The following DPY19L3 variants were observed in gnomAD, a reference collection of about 807,000 sequenced individuals.
DPY19L3 encodes protein C-mannosyl-transferase DPY19L3.
DPY19L3 carries 51 observed loss-of-function variants against 92.3 expected under a neutral mutation model. The ratio of observed to expected loss-of-function variants is 0.55; its 90% CI spans 0.44 to 0.70. DPY19L3 has a LOEUF of 0.70. DPY19L3 is among the 30% of genes least tolerant of loss of function. The pLI is 0.00. For missense variants in DPY19L3, 706 were observed against 855.9 expected, an observed-to-expected ratio of 0.82 and a Z score of 2.18; for synonymous variants, 309 against 315.2, an observed-to-expected ratio of 0.98 and a Z score of 0.21.
intron 3 of DPY19L3, among the ~76,000 whole-genome samples, chr19:32,430,972 T>C (rs1393439928): frequency 1.3e-5 from 2 of 151,832 alleles, no homozygotes; most frequent in Non-Finnish European, 2.9e-5. Context: ...TGAAAATTAG[T>C]TGGAGTTAGG....
At chr19:32,470,683 A>C (rs76955534) in intron 16 of DPY19L3, among the ~76,000 whole-genome samples, 1 of 147,910 alleles carries the variant, frequency 6.8e-6, no homozygotes, top group South Asian at 2.1e-4. Context: ...CAAGTGTCCT[A>C]TTTCCCTCGT....
chr19:32,475,728 T>C (rs1251436476), intron 16 of DPY19L3, among the ~76,000 whole-genome samples: 2 of 152,258 alleles, frequency 1.3e-5, no homozygotes, highest in Non-Finnish European at 2.9e-5. Flanking sequence ...CACGTTTTCA[T>C]TGAAACCCTC....
chr19:32,481,261 GA>G (rs534276948), intron 18 of DPY19L3: 2,865 of 147,310 alleles, frequency 0.019, 31 homozygotes, highest in Non-Finnish European at 0.032. Flanking sequence ...GCCTAAATTT[GA>G]AAAAAAAAAA....
intron 16 of DPY19L3, among the ~76,000 whole-genome samples, chr19:32,475,489 G>A (rs1970479247): frequency 6.6e-6 from 1 of 152,216 alleles, no homozygotes; most frequent in African/African-American, 2.4e-5. Flanking sequence ...ATCGTTGATT[G>A]CTGTGGAATG....
chr19:32,407,490 T>C (rs1968012951), intron 1 of DPY19L3, among the ~76,000 whole-genome samples: 1 of 152,196 alleles, frequency 6.6e-6, no homozygotes, highest in African/African-American at 2.4e-5. Flanking sequence ...CGTGGCCACT[T>C]CTGTGGGAGG....
At chr19:32,467,231 G>A (rs1295646874) in intron 15 of DPY19L3, among the ~76,000 whole-genome samples, 1 of 152,102 alleles carries the variant, frequency 6.6e-6, no homozygotes, top group Non-Finnish European at 1.5e-5. Context: ...GGAGTTTGCC[G>A]CAAAATTCTC....
In DPY19L3 at chr19:32,484,847, TA is replaced by T. The variant is rs1368055705; in HGVS notation, c.*2612del. The T allele has an allele frequency of 6.6e-6, 1 of 152,200 alleles. No homozygotes were observed. Among genetic ancestry groups the T allele is most frequent in the African/African-American group, 2.4e-5 (1 of 41,458 alleles). The allele number at this position is 152,200 out of a possible 1,614,324, so 9.4% of individuals were successfully genotyped here. On this transcript the variant is annotated 3_prime_UTR_variant, in exon 19 of 19. Transcript: ENST00000392250. ...GTAAAAATTAAGTTGAATACTTTGGTAAAAAGTGATAAAGGCTGAGTTGCCA... is the reference window on the plus strand; with the variant it reads ...GTAAAAATTAAGTTGAATACTTTGGTAAAAGTGATAAAGGCTGAGTTGCCA...
chr19:32,430,040 TA>T (rs1968906916), intron 3 of DPY19L3, among the ~76,000 whole-genome samples: 1 of 152,232 alleles, frequency 6.6e-6, no homozygotes, highest in African/African-American at 2.4e-5. Context: ...AATGAAAGTT[TA>T]AAAAGCTGTA....
chr19:32,480,700 T>A, intron 18 of DPY19L3, 143 bp downstream of exon 18: 3 of 1,182,322 alleles, frequency 2.5e-6, no homozygotes, highest in Non-Finnish European at 3.5e-6. Flanking sequence ...TCTTGCTTCC[T>A]ACAGAAGCCC....
At position 32,408,337 on chromosome 19, in the gene DPY19L3, G is replaced by A; in HGVS notation, c.84G>A (p.Leu28=). The change falls in exon 2 of 19, where the codon TTG becomes TTA. Residue 28 remains leucine (L), a synonymous_variant. Transcript: ENST00000392250. The part of the protein sequence containing the change: ...DFPAQEENVK[L]ENKLPSGCTS... Reference sequence around the variant, plus strand: ...CAGCCCAAGAAGAAAATGTGAAGTTGGAAAATAAATTGCCATCTGGTAGGT... The same window carrying A: ...CAGCCCAAGAAGAAAATGTGAAGTTAGAAAATAAATTGCCATCTGGTAGGT... The A allele has an allele frequency of 6.2e-7, 1 of 1,613,500 alleles. No individual in the cohort carries two copies. The highest frequency in any genetic ancestry group is 8.5e-7 in the Non-Finnish European group (1 of 1,179,804).
intron 12 of DPY19L3, 31 bp from the exon 13 acceptor site, chr19:32,463,335 C>G (rs1363492699): frequency 6.2e-7 from 1 of 1,611,130 alleles, no homozygotes; most frequent in South Asian, 1.1e-5. Context: ...ATGTTTCCAG[C>G]TTAAATTTTG....
chr19:32,407,331 C>G (rs897289386), intron 1 of DPY19L3, among the ~76,000 whole-genome samples: 2 of 151,474 alleles, frequency 1.3e-5, no homozygotes, highest in Non-Finnish European at 2.9e-5. Flanking sequence ...CACACCCCCG[C>G]AGTCATCACC....
chr19:32,455,624 A>G (rs985332100), intron 10 of DPY19L3, among the ~76,000 whole-genome samples: 5 of 152,096 alleles, frequency 3.3e-5, no homozygotes, highest in African/African-American at 4.8e-5. Flanking sequence ...CTTACTATCT[A>G]CTTTCTGCTG....
chr19:32,469,795 C>T (rs572280898), intron 16 of DPY19L3, among the ~76,000 whole-genome samples: 2 of 152,308 alleles, frequency 1.3e-5, no homozygotes, highest in South Asian at 4.1e-4. Flanking sequence ...ATTAACAAAA[C>T]CTGCCTCCCA....
At chr19:32,456,079 CTTTTTTTTTTT>C (rs899726982) in intron 10 of DPY19L3, among the ~76,000 whole-genome samples, 35 of 103,408 alleles carry the variant, frequency 3.4e-4, no homozygotes, top group African/African-American at 1.2e-3. Context: ...TCACTATGTT[CTTTTTTTTTTT>C]TTTTTTTTTT....
chr19:32,457,004 A>T (rs968981357), intron 10 of DPY19L3, among the ~76,000 whole-genome samples: 3 of 152,160 alleles, frequency 2.0e-5, no homozygotes, highest in Non-Finnish European at 4.4e-5. Context: ...CTACTAAAAA[A>T]ATTTTTTTCA....
Position 32,463,500 on chromosome 19 carries a change from T to A in DPY19L3, c.1445+12T>A. 1 of 1,608,494 alleles carries A rather than the reference T, an allele frequency of 6.2e-7. No individual in the cohort carries two copies. Among genetic ancestry groups the A allele is most frequent in the South Asian group, 1.1e-5 (1 of 90,274 alleles). ...TTGAGTACAATGAGGTATTTTTGTC[T>A]TACCTGTTTGTTTACTTTTTATTTG... On this transcript the variant is annotated intron_variant, in intron 13 of 18. Coordinates refer to ENST00000392250, the MANE Select transcript of DPY19L3 (RefSeq NM_001172774.2).
chr19:32,483,048 G>A lies in DPY19L3; in HGVS notation c.*808G>A, dbSNP rs1270410197. On this transcript the variant is annotated 3_prime_UTR_variant, in exon 19 of 19. Coordinates refer to ENST00000392250, the MANE Select transcript of DPY19L3 (RefSeq NM_001172774.2). ...CTCTTTAACCTCTCCTGCAGTAATA[G>A]TTTTGCTTTATTTCTTACTCATTTC... 1 of 152,128 alleles carries A rather than the reference G, an allele frequency of 6.6e-6. No homozygotes were observed. Among genetic ancestry groups the A allele is most frequent in the African/African-American group, 2.4e-5 (1 of 41,436 alleles). 9.4% of individuals were successfully genotyped at this position (152,128 alleles called of 1,614,324 possible).
intron 3 of DPY19L3, among the ~76,000 whole-genome samples, chr19:32,415,168 A>G (rs1370181998): frequency 6.6e-6 from 1 of 152,222 alleles, no homozygotes; most frequent in East Asian, 1.9e-4. Flanking sequence ...ACAGGTCAGT[A>G]TCCAGACAAT....
Sources: gnomAD v4.1 joint callset for allele counts (sites outside exome capture counted in the v4.1 genomes callset) on GRCh38, gnomAD v4.1.1 for gene constraint, MANE v1.5 for transcripts, NCBI Gene and HGNC (gene_info 2026-07-23, HGNC 2026-07-21) for gene names.